Variants in ZNF254 observed in about 807,000 individuals in gnomAD.
The protein encoded by ZNF254 is zinc finger protein 254, also known as CTD-2017D11.1.
A neutral mutation model predicts 12.4 loss-of-function variants in ZNF254; 10 were observed. That is an observed-to-expected ratio of 0.80 (90% confidence interval 0.50 to 1.36). The LOEUF (loss-of-function observed/expected upper bound fraction) is 1.36. ZNF254 is among the 40% of genes most tolerant of loss of function. The pLI is 0.00. For missense variants in ZNF254, 996 were observed against 763.9 expected, an observed-to-expected ratio of 1.30 and a Z score of -3.58; for synonymous variants, 305 against 253.4, an observed-to-expected ratio of 1.20 and a Z score of -1.93.
chr19:24,037,999 G>A (rs994275935), intron 1 of ZNF254, among the ~76,000 whole-genome samples: 71 of 152,058 alleles, frequency 4.7e-4, no homozygotes, highest in Non-Finnish European at 2.4e-4. Context: ...CACCCGCCTC[G>A]GACTCCAAAA....
At chr19:24,064,189 CTCTT>C (rs144956732) in intron 2 of ZNF254, among the ~76,000 whole-genome samples, 268 of 152,226 alleles carry the variant, frequency 1.8e-3, no homozygotes, top group Non-Finnish European at 3.3e-3. Flanking sequence ...TGTGATGTGA[CTCTT>C]TCTCATTCTT....
At chr19:24,121,250 T>TC (rs948131705) in intron 3 of ZNF254, among the ~76,000 whole-genome samples, 4 of 152,114 alleles carry the variant, frequency 2.6e-5, no homozygotes, top group Non-Finnish European at 5.9e-5. Context: ...TGTTTTTTTT[T>TC]CCCCATATTC....
At chr19:24,084,623 T>C (rs1568445194), upstream of ZNF254, among the ~76,000 whole-genome samples, 8 of 151,932 alleles carry the variant, frequency 5.3e-5, no homozygotes, top group Admixed American at 5.3e-4. Flanking sequence ...GCTTTGGCTG[T>C]TTTTGGTTTA....
At chr19:24,101,565 A>G (rs1222393603) in intron 1 of ZNF254, among the ~76,000 whole-genome samples, 3 of 152,210 alleles carry the variant, frequency 2.0e-5, no homozygotes, top group Non-Finnish European at 4.4e-5. Flanking sequence ...CAGAGCTCTG[A>G]GCACAAGTAT....
rs1165134957 is a variant in ZNF254, at chr19:24,106,067, G to A, written c.157+1G>A. 6.3e-7 allele frequency: 1 copy of A among 1,585,596 alleles called. No individual in the cohort carries two copies. The highest frequency in any genetic ancestry group is 8.6e-7 in the Non-Finnish European group (1 of 1,165,006). ...AACTACAGAAACCTGGCCTTCCTGGGTGAGGATAACTTTAATACAAAATTC... is the reference window on the plus strand; with the variant it reads ...AACTACAGAAACCTGGCCTTCCTGGATGAGGATAACTTTAATACAAAATTC... On this transcript the variant is annotated splice_donor_variant, in intron 2 of 3. Transcript: ENST00000357002. LOFTEE classifies it high-confidence loss of function.
intron 2 of ZNF254, among the ~76,000 whole-genome samples, chr19:24,062,045 G>A (rs548083523): frequency 9.7e-5 from 14 of 143,988 alleles, no homozygotes; most frequent in African/African-American, 3.1e-4. Flanking sequence ...AGATCACACC[G>A]TTGCACTCCA....
chr19:24,033,467 C>A lies in ZNF254; in HGVS notation c.-344C>A, dbSNP rs544156374. ...GGCATTTGGCTGGGCCTTTGTCTCT[C>A]GCTCCCACCAGAGCTTGGAATCCGT... On this transcript the variant is annotated 5_prime_UTR_variant, in exon 1 of 5. Coordinates refer to the ZNF254 transcript ENST00000613065. The A allele has an allele frequency of 3.3e-5, 6 of 180,064 alleles. No homozygotes were observed. In the South Asian group the frequency reaches 5.2e-4, roughly 16 times the overall value. 11.2% of individuals were successfully genotyped at this position (180,064 alleles called of 1,614,324 possible).
intron 2 of ZNF254, among the ~76,000 whole-genome samples, chr19:24,069,648 T>C (rs1458321798): frequency 1.4e-5 from 2 of 142,938 alleles, no homozygotes; most frequent in Admixed American, 7.1e-5. Context: ...CCAGGTGTGG[T>C]GGCTCACACC....
At chr19:24,063,060 C>T (rs1260605913) in intron 2 of ZNF254, among the ~76,000 whole-genome samples, 1 of 152,132 alleles carries the variant, frequency 6.6e-6, no homozygotes, top group Non-Finnish European at 1.5e-5. Context: ...CTCAGCCTCC[C>T]AAAGTGCTGG....
At chr19:24,120,848 T>C (rs7260299) in intron 3 of ZNF254, among the ~76,000 whole-genome samples, 87 of 152,092 alleles carry the variant, frequency 5.7e-4, no homozygotes, top group African/African-American at 1.9e-3. Context: ...TTTTTGTGTA[T>C]TTTTAATAGA....
rs552470347 is a variant in ZNF254, at chr19:24,128,532, C to T, written c.*552C>T. On this transcript the variant is annotated 3_prime_UTR_variant, in exon 4 of 4. Transcript: ENST00000357002. ...ACACATTTTATACTAGAGAAAAACC[C>T]TCAGGCAGTTGTTAAAATTTTGTTG... The T allele has an allele frequency of 2.0e-5, 3 of 152,082 alleles. No homozygotes were observed. Among genetic ancestry groups the T allele is most frequent in the East Asian group, 1.9e-4 (1 of 5,174 alleles). 9.4% of individuals were successfully genotyped at this position (152,082 alleles called of 1,614,324 possible).
chr19:24,046,399 A>ATATG (rs1555750882), intron 2 of ZNF254: 4 of 145,810 alleles, frequency 2.7e-5, no homozygotes, highest in Non-Finnish European at 6.0e-5. Flanking sequence ...ATATATATAT[A>ATATG]TGTGCAGATC....
chr19:24,088,262 CTTAA>C (rs556104075), intron 1 of ZNF254, among the ~76,000 whole-genome samples: 6 of 152,032 alleles, frequency 3.9e-5, no homozygotes, highest in Non-Finnish European at 8.8e-5. Flanking sequence ...GTAATCAGAG[CTTAA>C]TTGTCAGCTT....
intron 2 of ZNF254, among the ~76,000 whole-genome samples, chr19:24,055,669 C>T (rs1396676759): frequency 6.6e-6 from 1 of 152,146 alleles, no homozygotes; most frequent in East Asian, 1.9e-4. Flanking sequence ...TTCTGGATCA[C>T]ACCTAGAGGA....
rs1975029345 is a variant in ZNF254 at position 24,128,135 on chromosome 19, G to A, written c.*155G>A. 2 of 745,454 alleles carry A rather than the reference G, an allele frequency of 2.7e-6. No individual in the cohort carries two copies. Among genetic ancestry groups the A allele is most frequent in the Admixed American group, 3.6e-5 (1 of 27,570 alleles). 46.2% of individuals were successfully genotyped at this position (745,454 alleles called of 1,614,324 possible). On this transcript the variant is annotated 3_prime_UTR_variant, in exon 4 of 4. Transcript: ENST00000357002. ...TTCTGCTGAAAAATCCTAGAAATGT[G>A]AAGAATGTGAAAAAGCCTTTAAATG... is the stretch of plus-strand genomic sequence containing the variant.
At chr19:24,055,392 C>T (rs918459623) in intron 2 of ZNF254, among the ~76,000 whole-genome samples, 2 of 151,676 alleles carry the variant, frequency 1.3e-5, no homozygotes, top group Non-Finnish European at 2.9e-5. Flanking sequence ...GATTCTCCTG[C>T]CTCAGCCTCC....
intron 3 of ZNF254, chr19:24,106,856 C>A: frequency 2.3e-6 from 1 of 435,730 alleles, no homozygotes; most frequent in Non-Finnish European, 4.1e-6. Flanking sequence ...TGATCTTCCT[C>A]CAAGTTTACA....
chr19:24,054,718 A>G (rs1970775777), intron 2 of ZNF254, among the ~76,000 whole-genome samples: 1 of 152,212 alleles, frequency 6.6e-6, no homozygotes, highest in South Asian at 2.1e-4. Context: ...GCCTCCAACC[A>G]CAGTTGAGAT....
chr19:24,090,674 T>C (rs1242177730), intron 1 of ZNF254, among the ~76,000 whole-genome samples: 2 of 152,160 alleles, frequency 1.3e-5, no homozygotes, highest in Non-Finnish European at 2.9e-5. Flanking sequence ...TGGCCTCAAG[T>C]GACTCACCTG....
Sources: gnomAD v4.1 joint callset for allele counts (sites outside exome capture counted in the v4.1 genomes callset) on GRCh38, gnomAD v4.1.1 for gene constraint, MANE v1.5 for transcripts, NCBI Gene and HGNC (gene_info 2026-07-23, HGNC 2026-07-21) for gene names.